HMGA2: variants seen among roughly 807,000 people sequenced by gnomAD.
The protein encoded by HMGA2 is high mobility group AT-hook 2.
In HMGA2, 8 loss-of-function variants were observed where a neutral mutation model predicts 19.1. The ratio of observed to expected loss-of-function variants is 0.42; its 90% CI spans 0.25 to 0.76. The LOEUF (loss-of-function observed/expected upper bound fraction) is 0.76. HMGA2 is among the 30% of genes least tolerant of loss of function. HMGA2 has a pLI of 0.28. For missense variants in HMGA2, 109 were observed against 136.3 expected (o/e 0.80, Z 1.00); for synonymous variants, 60 against 48.8 (o/e 1.23, Z -0.96).
chr12:65,847,913 A>G (rs1871295415), intron 3 of HMGA2, among the ~76,000 whole-genome samples: 1 of 152,206 alleles, frequency 6.6e-6, no homozygotes, highest in Non-Finnish European at 1.5e-5. Context: ...GATTTGAATT[A>G]CATTCTTTGA....
chr12:65,940,477 C>G (rs1171626572), intron 3 of HMGA2, among the ~76,000 whole-genome samples: 2 of 152,098 alleles, frequency 1.3e-5, no homozygotes, highest in Non-Finnish European at 2.9e-5. Flanking sequence ...TATTAAAATG[C>G]AGTTTTTCTC....
rs1344078947 is a variant in HMGA2 at position 65,824,614 on chromosome 12, CTG to C, written c.-655_-654del. On this transcript the variant is annotated 5_prime_UTR_variant, in exon 1 of 5. Coordinates refer to ENST00000403681, the MANE Select transcript of HMGA2 (RefSeq NM_003483.6). ...AGGAGGCGCGGTGCCACCCACTACT[CTG>C]TCCTCTGCCTGTGCTCCGTGCCCGA... 2 of 233,736 alleles carry C rather than the reference CTG, an allele frequency of 8.6e-6. No homozygotes were observed. Among genetic ancestry groups the C allele is most frequent in the East Asian group, 1.2e-4 (2 of 16,524 alleles). 14.5% of individuals were successfully genotyped at this position (233,736 alleles called of 1,614,324 possible). A position where few individuals can be genotyped will look rare whatever the true frequency, so the allele number is the denominator to read the frequency against.
At chr12:65,850,343 C>T (rs927853754) in intron 3 of HMGA2, among the ~76,000 whole-genome samples, 17 of 152,236 alleles carry the variant, frequency 1.1e-4, no homozygotes, top group African/African-American at 3.9e-4. Flanking sequence ...TAGGGAGCCA[C>T]AGTATTTACA....
At chr12:65,932,469 T>G (rs920896615) in intron 3 of HMGA2, among the ~76,000 whole-genome samples, 3 of 152,254 alleles carry the variant, frequency 2.0e-5, no homozygotes, top group Non-Finnish European at 4.4e-5. Flanking sequence ...CCAGGAACTA[T>G]GTACCCACCC....
chr12:65,840,728 TTAA>T (rs1305594421), intron 3 of HMGA2, among the ~76,000 whole-genome samples: 1 of 152,206 alleles, frequency 6.6e-6, no homozygotes, highest in Non-Finnish European at 1.5e-5. Flanking sequence ...ATTGAACTAA[TTAA>T]TAAGAAAGAC....
At chr12:65,912,117 C>T (rs1000669666) in intron 3 of HMGA2, among the ~76,000 whole-genome samples, 2 of 152,026 alleles carry the variant, frequency 1.3e-5, no homozygotes, top group Non-Finnish European at 2.9e-5. Flanking sequence ...CTTTACAATC[C>T]CCAAACACCC....
chr12:65,885,979 C>T (rs1873640803), intron 3 of HMGA2, among the ~76,000 whole-genome samples: 1 of 152,110 alleles, frequency 6.6e-6, no homozygotes, highest in South Asian at 2.1e-4. Flanking sequence ...AGCATATAAT[C>T]AAGAAATAAC....
At chr12:65,952,596 A>C (rs1876494880) in intron 4 of HMGA2, 1 of 1,059,662 alleles carries the variant, frequency 9.4e-7, no homozygotes, top group Non-Finnish European at 1.3e-6. Flanking sequence ...TGCTAAAAAA[A>C]ACCCAGTGTT....
chr12:65,910,867 G>A (rs150234428), intron 3 of HMGA2, among the ~76,000 whole-genome samples: 4 of 152,282 alleles, frequency 2.6e-5, no homozygotes, highest in East Asian at 1.9e-4. Context: ...ATTCAAAGGC[G>A]CAAATTCAAC....
At chr12:65,916,729 A>G (rs1875116070) in intron 3 of HMGA2, among the ~76,000 whole-genome samples, 1 of 152,166 alleles carries the variant, frequency 6.6e-6, no homozygotes, top group African/African-American at 2.4e-5. Context: ...TTCTTTGGCT[A>G]TGGAAATAGC....
chr12:65,920,352 A>T (rs1875262297), intron 3 of HMGA2, among the ~76,000 whole-genome samples: 1 of 152,178 alleles, frequency 6.6e-6, no homozygotes, highest in Non-Finnish European at 1.5e-5. Flanking sequence ...AGTCCTCAAA[A>T]ACATCAAGGG....
rs772055044 is a variant in HMGA2 at position 65,964,288 on chromosome 12, C to CAA, written c.*1007_*1008dup. On this transcript the variant is annotated 3_prime_UTR_variant, in exon 5 of 5. Transcript: ENST00000403681. ...TATAGTTATACATCAATTTAAAAAGCAAAAAAAAAAAAGGGGGGGGCAATC... is the reference window on the plus strand; with the variant it reads ...TATAGTTATACATCAATTTAAAAAGCAAAAAAAAAAAAAAGGGGGGGGCAATC... The CAA allele has an allele frequency of 1.8e-4, 28 of 156,566 alleles. No individual in the cohort carries two copies. Among genetic ancestry groups the CAA allele is most frequent in the East Asian group, 3.8e-4 (4 of 10,582 alleles). 9.7% of individuals were successfully genotyped at this position (156,566 alleles called of 1,614,324 possible).
intron 3 of HMGA2, among the ~76,000 whole-genome samples, chr12:65,864,858 C>T (rs1248432364): frequency 6.6e-6 from 1 of 152,108 alleles, no homozygotes; most frequent in Non-Finnish European, 1.5e-5. Context: ...TATTAGTGCA[C>T]ACTTGACCCT....
intron 3 of HMGA2, among the ~76,000 whole-genome samples, chr12:65,893,261 C>T (rs1041736048): frequency 1.8e-4 from 27 of 152,196 alleles, no homozygotes; most frequent in Admixed American, 3.9e-4. Context: ...CATCTACTGT[C>T]TCCTCACCCC....
At chr12:65,846,836 T>A (rs1871252619) in intron 3 of HMGA2, among the ~76,000 whole-genome samples, 1 of 152,148 alleles carries the variant, frequency 6.6e-6, no homozygotes, top group Non-Finnish European at 1.5e-5. Context: ...GGGCTGCCTT[T>A]GGGGAATTTA....
intron 3 of HMGA2, among the ~76,000 whole-genome samples, chr12:65,924,835 C>T (rs981007265): frequency 1.3e-5 from 2 of 152,160 alleles, no homozygotes; most frequent in Non-Finnish European, 2.9e-5. Flanking sequence ...TCTTTGGCAA[C>T]TTCCTGAGGC....
chr12:65,836,046 G>T (rs1473924478), intron 2 of HMGA2, among the ~76,000 whole-genome samples: 1 of 152,122 alleles, frequency 6.6e-6, no homozygotes, highest in East Asian at 1.9e-4. Flanking sequence ...GTGACAGATG[G>T]GTGTGAAGGA....
At chr12:65,840,231 T>G (rs958503677) in intron 3 of HMGA2, among the ~76,000 whole-genome samples, 1 of 152,184 alleles carries the variant, frequency 6.6e-6, no homozygotes, top group African/African-American at 2.4e-5. Context: ...CTCTAAAACT[T>G]AATAGTGTAA....
At chr12:65,861,761 T>C (rs1280191526) in intron 3 of HMGA2, among the ~76,000 whole-genome samples, 1 of 151,846 alleles carries the variant, frequency 6.6e-6, no homozygotes, top group Admixed American at 6.5e-5. Flanking sequence ...TTTTTCTCTC[T>C]GTGAACTGGC....
Sources: allele counts gnomAD v4.1 joint callset (sites outside exome capture counted in the v4.1 genomes callset), GRCh38; gene constraint gnomAD v4.1.1; transcripts MANE v1.5; gene names NCBI Gene and HGNC (gene_info 2026-07-23, HGNC 2026-07-21).